Variants in TBC1D15 observed in about 807,000 individuals in gnomAD.
The protein encoded by TBC1D15 is TBC1 domain family member 15.
TBC1D15 carries 39 observed loss-of-function variants against 95.4 expected under a neutral mutation model. That is an observed-to-expected ratio of 0.41 (90% CI 0.32 to 0.53). The LOEUF is 0.53. Ranked by LOEUF, TBC1D15 falls within the 20% of genes least tolerant of loss-of-function variation. The probability of loss-of-function intolerance (pLI) is 0.29; values close to 1 mark genes in which losing one functional copy is unlikely to be tolerated. For synonymous variants in TBC1D15, 258 were observed against 261.3 expected (o/e 0.99, Z 0.12); for missense variants, 733 against 794.3 (o/e 0.92, Z 0.93).
At chr12:71,891,064 A>G (rs942289611) in intron 5 of TBC1D15, among the ~76,000 whole-genome samples, 1 of 151,802 alleles carries the variant, frequency 6.6e-6, no homozygotes. Context: ...CTAGATGTAA[A>G]ATTTTGTTAT....
At chr12:71,893,563 T>C (rs1360345717) in intron 6 of TBC1D15, among the ~76,000 whole-genome samples, 1 of 151,856 alleles carries the variant, frequency 6.6e-6, no homozygotes, top group Non-Finnish European at 1.5e-5. Context: ...ATAAGGAAAT[T>C]TCTCAGTTTA....
At chr12:71,849,572 G>A in intron 1 of TBC1D15, 1 of 671,146 alleles carries the variant, frequency 1.5e-6, no homozygotes, top group East Asian at 2.9e-5. Context: ...TGTCCAGATT[G>A]ATGAAAATAA....
intron 1 of TBC1D15, among the ~76,000 whole-genome samples, chr12:71,863,521 G>A (rs1890835091): frequency 6.6e-6 from 1 of 152,122 alleles, no homozygotes; most frequent in African/African-American, 2.4e-5. Context: ...GACCTTTTTA[G>A]GTTGAATCTA....
At chr12:71,840,290 G>C (rs749761502) in intron 1 of TBC1D15, among the ~76,000 whole-genome samples, 17 of 152,208 alleles carry the variant, frequency 1.1e-4, no homozygotes, top group Non-Finnish European at 2.2e-4. Flanking sequence ...CTAGCTGTGC[G>C]CTTAGAAGAA....
chr12:71,864,943 G>A (rs937097533), intron 1 of TBC1D15, among the ~76,000 whole-genome samples: 1 of 152,220 alleles, frequency 6.6e-6, no homozygotes, highest in African/African-American at 2.4e-5. Flanking sequence ...CAGTGGCGTA[G>A]GTTGTAGAAT....
chr12:71,865,399 G>C (rs559291280), intron 1 of TBC1D15, among the ~76,000 whole-genome samples: 5 of 152,212 alleles, frequency 3.3e-5, no homozygotes, highest in African/African-American at 1.2e-4. Context: ...GCAGGGTGTG[G>C]CTACAGTTCA....
At chr12:71,845,511 G>A (rs1219146041) in intron 1 of TBC1D15, among the ~76,000 whole-genome samples, 1 of 152,174 alleles carries the variant, frequency 6.6e-6, no homozygotes. Context: ...AAGAAGAGCA[G>A]GTTTAGATAG....
At chr12:71,858,176 G>A (rs1276523015) in intron 1 of TBC1D15, among the ~76,000 whole-genome samples, 1 of 151,886 alleles carries the variant, frequency 6.6e-6, no homozygotes, top group Non-Finnish European at 1.5e-5. Flanking sequence ...GGGTTCAAGC[G>A]ATTCTCCTGC....
At chr12:71,852,275 G>A (rs750766224) in intron 1 of TBC1D15, among the ~76,000 whole-genome samples, 63 of 152,208 alleles carry the variant, frequency 4.1e-4, no homozygotes, top group Non-Finnish European at 6.8e-4. Context: ...CTGAGGTTGT[G>A]CAGGGCAGCA....
Position 71,876,661 on chromosome 12 carries a change from G to A in TBC1D15, c.204+3658G>A, listed in dbSNP as rs181823406. Among the ~76,000 whole-genome samples the A allele has an allele frequency of 9.3e-3, 1,410 of 152,204 alleles. 11 individuals carry two copies. Among genetic ancestry groups the A allele is most frequent in the Non-Finnish European group, 0.015 (1,023 of 67,990 alleles). On this transcript the variant is annotated intron_variant, in intron 3 of 16. Transcript: ENST00000485960. ...CAGCTCCAGGGCTTCCTGAGAAAAA[G>A]AGTGCATGGGAACAAAAACATTTCT...
intron 1 of TBC1D15, chr12:71,849,309 C>T: frequency 2.9e-6 from 3 of 1,043,978 alleles, no homozygotes; most frequent in Non-Finnish European, 4.4e-6. Context: ...CCAGAAGAAT[C>T]TTTTTAGGTA....
At chr12:71,871,240 A>C (rs1016251276) in intron 1 of TBC1D15, among the ~76,000 whole-genome samples, 1 of 152,074 alleles carries the variant, frequency 6.6e-6, no homozygotes, top group African/African-American at 2.4e-5. Flanking sequence ...TATCATCTTC[A>C]TGTACTTTTG....
intron 1 of TBC1D15, among the ~76,000 whole-genome samples, chr12:71,869,982 G>A (rs560608219): frequency 6.6e-6 from 1 of 152,064 alleles, no homozygotes; most frequent in Non-Finnish European, 1.5e-5. Context: ...CTCTCCTGAA[G>A]TAGTCTTTGT....
chr12:71,880,765 ATC>A (rs1371025403), intron 4 of TBC1D15, among the ~76,000 whole-genome samples, 158 bp downstream of exon 4: 3 of 147,728 alleles, frequency 2.0e-5, no homozygotes, highest in Non-Finnish European at 4.4e-5. Context: ...TTCCCTTTTC[ATC>A]TCTGTTTTAT....
chr12:71,843,138 G>A (rs182592738), intron 1 of TBC1D15, among the ~76,000 whole-genome samples: 1 of 152,088 alleles, frequency 6.6e-6, no homozygotes, highest in Non-Finnish European at 1.5e-5. Context: ...TACAAAAGCC[G>A]GGCATGGTGG....
chr12:71,880,307 T>TC (rs1592750153), intron 3 of TBC1D15, among the ~76,000 whole-genome samples, 162 bp from the exon 4 acceptor site: 3 of 151,186 alleles, frequency 2.0e-5, no homozygotes, highest in Admixed American at 6.6e-5. Flanking sequence ...TTTTTTTTTT[T>TC]CATAAAGATG....
At chr12:71,854,860 T>A (rs1888667497) in intron 1 of TBC1D15, 3 of 456,458 alleles carry the variant, frequency 6.6e-6, no homozygotes, top group Admixed American at 4.7e-5. Context: ...CAAGGTATAT[T>A]TTTTCATTGT....
chr12:71,839,933 T>A (rs2554954), intron 1 of TBC1D15, 122 bp downstream of exon 1: 1 of 1,272,142 alleles, frequency 7.9e-7, no homozygotes, highest in South Asian at 1.3e-5. Flanking sequence ...CCGTGGCGTC[T>A]GTAGGAGAAG....
chr12:71,915,448 T>TAAAAAAAAAAAAAAA (rs1236554792), intron 12 of TBC1D15, among the ~76,000 whole-genome samples: 1 of 130,508 alleles, frequency 7.7e-6, no homozygotes, highest in Non-Finnish European at 1.7e-5. Context: ...GTAGATATTC[T>TAAAAAAAAAAAAAAA]AAAAAAAAAA....
Sources: gnomAD v4.1 joint callset for allele counts (sites outside exome capture counted in the v4.1 genomes callset) on GRCh38, gnomAD v4.1.1 for gene constraint, MANE v1.5 for transcripts, NCBI Gene and HGNC (gene_info 2026-07-23, HGNC 2026-07-21) for gene names.